The following PUM1 variants were observed in gnomAD, a reference collection of about 807,000 sequenced individuals.
PUM1 encodes pumilio homolog 1.
Under a neutral mutation model 131.8 loss-of-function variants are expected in PUM1, and 13 were observed. The observed-to-expected ratio is 0.10, with a 90% CI of 0.06 to 0.16. PUM1 has a LOEUF of 0.16. Ranked by LOEUF, PUM1 falls within the 10% of genes least tolerant of loss-of-function variation. The pLI is 1.00. For synonymous variants in PUM1, 509 were observed against 556.5 expected (o/e 0.91, Z 1.20); for missense variants, 961 against 1,512.4 (o/e 0.64, Z 6.05).
chr1:30,970,317 A>G (rs1205214903), intron 10 of PUM1, among the ~76,000 whole-genome samples: 1 of 152,218 alleles, frequency 6.6e-6, no homozygotes, highest in African/African-American at 2.4e-5. Flanking sequence ...GTATAAGGTG[A>G]CCAACACTGT....
Position 30,942,189 on chromosome 1 carries a change from G to GTT in PUM1, c.2995-68_2995-67dup, listed in dbSNP as rs1401156314. 1,441 of 148,796 alleles carry GTT rather than the reference G, an allele frequency of 9.7e-3. 87 individuals are homozygous for GTT. The highest frequency in any genetic ancestry group is 0.068 in the African/African-American group (951 of 13,934). The allele number at this position is 148,796 out of a possible 1,614,324, so 9.2% of individuals were successfully genotyped here. A position where few individuals can be genotyped will look rare whatever the true frequency, so the allele number is the denominator to read the frequency against. Reference sequence around the variant, plus strand: ...TCACCACCTTCAATGCTTCAGTATTGTTTATATATATATATATATATATAT... The same window carrying GTT: ...TCACCACCTTCAATGCTTCAGTATTGTTTTTATATATATATATATATATATAT... On this transcript the variant is annotated intron_variant, in intron 18 of 21. Coordinates refer to ENST00000426105, the MANE Select transcript of PUM1 (RefSeq NM_001020658.2).
intron 3 of PUM1, among the ~76,000 whole-genome samples, chr1:31,023,539 G>T (rs1440068933): frequency 1.3e-5 from 2 of 152,164 alleles, no homozygotes; most frequent in Non-Finnish European, 2.9e-5. Context: ...ACTGGAGTCA[G>T]GCTAATACTT....
At chr1:30,965,887 A>C in intron 13 of PUM1, 95 bp downstream of exon 13, 1 of 1,325,382 alleles carries the variant, frequency 7.5e-7, no homozygotes, top group Non-Finnish European at 1.0e-6. Flanking sequence ...GGCTTGGTCC[A>C]GATCTGCCTG....
chr1:30,994,544 T>G lies in PUM1; in HGVS notation c.887+510A>C, dbSNP rs116932657. Among the ~76,000 whole-genome samples the G allele has an allele frequency of 5.1e-3, 776 of 152,340 alleles. 4 individuals are homozygous for G. The highest frequency in any genetic ancestry group is 0.032 in the East Asian group (166 of 5,188). On this transcript the variant is annotated intron_variant, in intron 6 of 21. Coordinates refer to ENST00000426105, the MANE Select transcript of PUM1 (RefSeq NM_001020658.2). ...ATGATTAAGAACAAATCATTTAAGC[T>G]GCATCTCTGGCTCTTCAAAATAAGG... is the stretch of plus-strand genomic sequence containing the variant.
At chr1:31,042,282 G>A (rs894602773) in intron 2 of PUM1, among the ~76,000 whole-genome samples, 1 of 150,724 alleles carries the variant, frequency 6.6e-6, no homozygotes, top group Non-Finnish European at 1.5e-5. Flanking sequence ...CTCCAACCTG[G>A]GCAACAGAGC....
At chr1:30,980,204 A>G (rs370271026) in intron 8 of PUM1, 41 bp from the exon 9 acceptor site, 6 of 1,491,802 alleles carry the variant, frequency 4.0e-6, no homozygotes, top group Non-Finnish European at 4.7e-6. Context: ...AACTTGACTA[A>G]AACTGCAGCC....
chr1:30,947,071 C>A (rs1326540478), intron 17 of PUM1, among the ~76,000 whole-genome samples: 3 of 152,178 alleles, frequency 2.0e-5, no homozygotes, highest in Admixed American at 2.0e-4. Context: ...ATTTTCCTAA[C>A]AGTCTTACGG....
intron 9 of PUM1, among the ~76,000 whole-genome samples, chr1:30,977,925 T>C (rs1641205045): frequency 6.6e-6 from 1 of 152,118 alleles, no homozygotes; most frequent in Admixed American, 6.6e-5. Flanking sequence ...CTCTACAACA[T>C]TTAAATTGTG....
At chr1:31,027,204 G>A (rs1450263966) in intron 3 of PUM1, among the ~76,000 whole-genome samples, 1 of 152,112 alleles carries the variant, frequency 6.6e-6, no homozygotes, top group Non-Finnish European at 1.5e-5. Context: ...AACACTTTGG[G>A]AGGCCAAGGC....
chr1:31,038,984 A>ATATATATATATATTTTT, intron 2 of PUM1, among the ~76,000 whole-genome samples: 6 of 49,416 alleles, frequency 1.2e-4, no homozygotes, highest in African/African-American at 1.0e-3. Flanking sequence ...ATATATATAT[A>ATATATATATATATTTTT]TTTTTTTTTT....
intron 2 of PUM1, among the ~76,000 whole-genome samples, chr1:31,034,663 G>T (rs1043917721): frequency 6.6e-6 from 1 of 152,186 alleles, no homozygotes; most frequent in Non-Finnish European, 1.5e-5. Context: ...GAGGTTCAGA[G>T]AGTCCTTAGT....
chr1:31,018,669 ATAAAG>A (rs1403424662), intron 3 of PUM1, among the ~76,000 whole-genome samples: 2 of 152,206 alleles, frequency 1.3e-5, no homozygotes, highest in Non-Finnish European at 2.9e-5. Context: ...AAAATTTTAA[ATAAAG>A]TAAAACAAAA....
Position 30,942,114 on chromosome 1 carries a change from A to G in PUM1, c.3004T>C (p.Leu1002=), listed in dbSNP as rs1358036161. The G allele has an allele frequency of 6.4e-7, 1 of 1,554,414 alleles. No individual in the cohort carries two copies. The highest frequency in any genetic ancestry group is 1.4e-5 in the African/African-American group (1 of 71,658). The change falls in exon 19 of 22, where the codon TTA becomes CTA. Residue 1002 remains leucine, a synonymous_variant. Coordinates refer to ENST00000426105, the MANE Select transcript of PUM1 (RefSeq NM_001020658.2). ...CGGCAGCCATAAGGATGTGTGGATA[A>G]GGCAAATACCTAAGGGTAGACAAAC... ...IDAFKGQVFA[L]STHPYGCRVI...
intron 1 of PUM1, 121 bp from the exon 2 acceptor site, chr1:31,059,698 TC>T: frequency 1.7e-6 from 2 of 1,175,244 alleles, no homozygotes; most frequent in Non-Finnish European, 2.3e-6. Flanking sequence ...TGGCATGCAC[TC>T]TGGCAAGGTA....
Position 30,944,719 on chromosome 1 carries a change from C to T in PUM1, c.2994+627G>A, listed in dbSNP as rs1032074826. Among the ~76,000 whole-genome samples, 7 of 152,144 alleles carry T rather than the reference C, an allele frequency of 4.6e-5. No homozygotes were observed. The East Asian group carries it at 5.8e-4, about 13-fold the overall frequency. On this transcript the variant is annotated intron_variant, in intron 18 of 21. Coordinates refer to ENST00000426105, the MANE Select transcript of PUM1 (RefSeq NM_001020658.2). ...CCTGAATTTTAAACCAAATTTAAAA[C>T]GAAAGCACTGAAATATCAGAATAAA... is the stretch of plus-strand genomic sequence containing the variant.
chr1:31,038,981 TATA>T (rs1477718433), intron 2 of PUM1, among the ~76,000 whole-genome samples: 63 of 38,998 alleles, frequency 1.6e-3, no homozygotes, highest in Admixed American at 5.7e-3. Context: ...TATATATATA[TATA>T]TTTTTTTTTT....
intron 11 of PUM1, 32 bp downstream of exon 11, chr1:30,968,322 C>G: frequency 6.3e-7 from 1 of 1,586,602 alleles, no homozygotes; most frequent in South Asian, 1.1e-5. Flanking sequence ...TTTTTCCCTG[C>G]CAAAGTATTA....
intron 2 of PUM1, among the ~76,000 whole-genome samples, chr1:31,048,657 G>C (rs1210133451): frequency 6.6e-6 from 1 of 151,122 alleles, no homozygotes; most frequent in East Asian, 2.0e-4. Context: ...TGTATTTTTA[G>C]TAGAGACGGG....
intron 2 of PUM1, among the ~76,000 whole-genome samples, chr1:31,032,995 A>C (rs1643484113): frequency 6.6e-6 from 1 of 151,754 alleles, no homozygotes; most frequent in South Asian, 2.1e-4. Context: ...AGTCTCAGCC[A>C]CTCGGGAGGC....
Sources: allele counts gnomAD v4.1 joint callset (sites outside exome capture counted in the v4.1 genomes callset), GRCh38; gene constraint gnomAD v4.1.1; transcripts MANE v1.5; gene names NCBI Gene and HGNC (gene_info 2026-07-23, HGNC 2026-07-21).